The following TUBGCP5 variants were observed in gnomAD, a reference collection of about 807,000 sequenced individuals.
TUBGCP5 encodes the protein tubulin gamma complex component 5.
In TUBGCP5, 98 loss-of-function variants were observed where a neutral mutation model predicts 134.7. The ratio of observed to expected loss-of-function variants is 0.73; its 90% CI spans 0.62 to 0.86. The LOEUF is 0.86. Ranked by LOEUF, TUBGCP5 falls within the 40% of genes least tolerant of loss-of-function variation. The pLI is 0.00. For missense variants in TUBGCP5, 1,150 were observed against 1,244.8 expected (o/e 0.92, Z 1.15); for synonymous variants, 456 against 431.4 (o/e 1.06, Z -0.71).
At position 23,003,542 on chromosome 15, in the gene TUBGCP5, A is replaced by G. The variant is rs564563834; in HGVS notation, c.2839-389T>C. The stretch of plus-strand genomic sequence containing the variant: ...CAGACACAATTTTCCAAATGAATCC[A>G]AGAGTAACGCAGAGTGAGTGTTGAC... On this transcript the variant is annotated intron_variant, in intron 20 of 22. Transcript: ENST00000615383. Among the ~76,000 whole-genome samples the G allele has an allele frequency of 3.3e-5, 5 of 152,144 alleles. No homozygotes were observed. The East Asian group carries it at 9.6e-4, about 29-fold the overall frequency.
rs1555439436 is a variant in TUBGCP5, at chr15:23,016,969, G to GATATGTATATATATATATAT, written c.1756+803_1756+804insATATATATATATATACATAT. ...AGATGAATGGGTAAAAAAATTGTGA[G>GATATGTATATATATATATAT]ATATATATATATATATATGTATATA... On this transcript the variant is annotated intron_variant, in intron 13 of 22. Coordinates refer to ENST00000615383, the MANE Select transcript of TUBGCP5 (RefSeq NM_052903.6). Among the ~76,000 whole-genome samples, 65 of 109,418 alleles carry GATATGTATATATATATATAT rather than the reference G, an allele frequency of 5.9e-4. 3 individuals carry two copies. The highest frequency in any genetic ancestry group is 2.3e-3 in the African/African-American group (64 of 27,800). 71.8% of individuals were successfully genotyped at this position (109,418 alleles called of 152,430 possible).
chr15:23,024,056 T>C lies in TUBGCP5; in HGVS notation c.1059A>G (p.Ser353=). 1 of 1,614,172 alleles carries C rather than the reference T, an allele frequency of 6.2e-7. No homozygotes were observed. The change falls in exon 10 of 23, where the codon TCA becomes TCG. Residue 353 remains serine (S), a synonymous_variant. Transcript: ENST00000615383. ...GGTAGGTTCTAAAGGGAGCTTCAGTTGACTTCTTAGGAACAGACCCACTTC... is the reference window on the plus strand; with the variant it reads ...GGTAGGTTCTAAAGGGAGCTTCAGTCGACTTCTTAGGAACAGACCCACTTC... ...LPGSGSVPKK[S]TEAPFRTYQA...
At chr15:23,031,522 C>T (rs1226218056) in intron 5 of TUBGCP5, among the ~76,000 whole-genome samples, 1 of 152,114 alleles carries the variant, frequency 6.6e-6, no homozygotes, top group Non-Finnish European at 1.5e-5. Flanking sequence ...CACTATGTTG[C>T]CCAGGCTGCT....
At chr15:22,997,085 A>G (rs934542587), downstream of TUBGCP5, 1 of 152,174 alleles carries the variant, frequency 6.6e-6, no homozygotes, top group African/African-American at 2.4e-5. Flanking sequence ...TGGTTCCTGA[A>G]AGGGGCTAAG....
At chr15:22,987,218 C>T (rs2063704785) in intron 23 of TUBGCP5, among the ~76,000 whole-genome samples, 1 of 151,732 alleles carries the variant, frequency 6.6e-6, no homozygotes, top group African/African-American at 2.4e-5. Flanking sequence ...CCTGCAATTC[C>T]AGCTACTTGG....
At chr15:22,998,531 T>G (rs2064200114), downstream of TUBGCP5, among the ~76,000 whole-genome samples, 1 of 152,124 alleles carries the variant, frequency 6.6e-6, no homozygotes, top group Non-Finnish European at 1.5e-5. Flanking sequence ...CAATCATGGT[T>G]CACTGCAGCC....
chr15:23,020,244 TA>T (rs1358069608), intron 11 of TUBGCP5, among the ~76,000 whole-genome samples: 1 of 151,808 alleles, frequency 6.6e-6, no homozygotes, highest in Non-Finnish European at 1.5e-5. Flanking sequence ...CCATCTCTAT[TA>T]AAAATACAAA....
chr15:23,017,765 A>G lies in TUBGCP5; in HGVS notation c.1756+8T>C. The G allele has an allele frequency of 6.2e-7, 1 of 1,611,512 alleles. No homozygotes were observed. The highest frequency in any genetic ancestry group is 8.5e-7 in the Non-Finnish European group (1 of 1,178,224). Reference sequence around the variant, plus strand: ...ACCAAGAGAGACACAGGAAGACGGAACAAGTACCTCTGGCTCCTGCCTGGC... The same window carrying G: ...ACCAAGAGAGACACAGGAAGACGGAGCAAGTACCTCTGGCTCCTGCCTGGC... On this transcript the variant is annotated splice_region_variant and intron_variant, in intron 13 of 22. Coordinates refer to ENST00000615383, the MANE Select transcript of TUBGCP5 (RefSeq NM_052903.6).
intron 1 of TUBGCP5, among the ~76,000 whole-genome samples, 181 bp from the exon 2 acceptor site, chr15:23,037,333 G>A (rs529853998): frequency 1.3e-5 from 2 of 152,212 alleles, no homozygotes; most frequent in East Asian, 3.9e-4. Flanking sequence ...GTCCGAGACT[G>A]TGCAAGCATC....
intron 6 of TUBGCP5, among the ~76,000 whole-genome samples, chr15:23,029,901 A>G (rs926980853): frequency 2.7e-5 from 4 of 150,932 alleles, no homozygotes; most frequent in African/African-American, 9.8e-5. Context: ...GGTGGGGGGG[A>G]AGAGCAAAGT....
At position 23,006,038 on chromosome 15, in the gene TUBGCP5, A is replaced by C. The variant is rs1441585804; in HGVS notation, c.2533+14T>G. On this transcript the variant is annotated intron_variant, in intron 18 of 22. Coordinates refer to ENST00000615383, the MANE Select transcript of TUBGCP5 (RefSeq NM_052903.6). ...AAATAAAATTACAATTTATCTGCTG[A>C]AAACAAATCTTACCACCAAAAAGTA... The C allele has an allele frequency of 6.3e-7, 1 of 1,584,166 alleles. No individual in the cohort carries two copies. The highest frequency in any genetic ancestry group is 8.5e-7 in the Non-Finnish European group (1 of 1,171,770).
chr15:22,993,557 T>TTTTTTTTTTTA (rs2063932615), intron 23 of TUBGCP5, among the ~76,000 whole-genome samples: 2 of 123,262 alleles, frequency 1.6e-5, no homozygotes, highest in African/African-American at 7.2e-5. Context: ...TTTTTTTTTT[T>TTTTTTTTTTTA]AATATGAGAC....
intron 13 of TUBGCP5, among the ~76,000 whole-genome samples, chr15:23,011,976 G>C (rs1160497549): frequency 6.6e-6 from 1 of 151,646 alleles, no homozygotes; most frequent in Non-Finnish European, 1.5e-5. Context: ...GAGTGCAGTG[G>C]AATGTGCCTG....
chr15:23,010,951 A>G (rs2065000150), intron 14 of TUBGCP5, among the ~76,000 whole-genome samples, 182 bp downstream of exon 14: 1 of 151,802 alleles, frequency 6.6e-6, no homozygotes, highest in African/African-American at 2.4e-5. Flanking sequence ...ACTACACTCC[A>G]GCCTGGGTGA....
At chr15:23,030,838 G>A (rs575306450) in intron 6 of TUBGCP5, 47 bp downstream of exon 6, 2 of 1,594,434 alleles carry the variant, frequency 1.3e-6, no homozygotes, top group Non-Finnish European at 1.7e-6. Context: ...TTTCCTTCTA[G>A]GGAATTTGTC....
intron 21 of TUBGCP5, among the ~76,000 whole-genome samples, chr15:23,001,081 C>T (rs1198731526): frequency 6.6e-6 from 1 of 152,110 alleles, no homozygotes; most frequent in Non-Finnish European, 1.5e-5. Context: ...CTTGCTCTGT[C>T]GCCCATGCTG....
rs2064265394 is a variant in TUBGCP5 at position 22,999,824 on chromosome 15, CTT to C, written c.3069_3070del (p.Ser1024LeufsTer36). The C allele has an allele frequency of 6.2e-7, 1 of 1,613,892 alleles. No homozygotes were observed. On this transcript the variant is annotated frameshift_variant, in exon 23 of 23. Coordinates refer to ENST00000615383, the MANE Select transcript of TUBGCP5 (RefSeq NM_052903.6). LOFTEE classifies it high-confidence loss of function. ...TATTTATTACGCTGAAGACATTTAA[CTT>C]TGTTCCATGCCAGCCATGAGTGACA... is the stretch of plus-strand genomic sequence containing the variant.
chr15:22,991,133 C>T (rs559673661), intron 23 of TUBGCP5, among the ~76,000 whole-genome samples: 26 of 151,704 alleles, frequency 1.7e-4, no homozygotes, highest in South Asian at 4.2e-4. Flanking sequence ...GAGTCTCGCG[C>T]GCTCACCAGG....
rs553558158 is a variant in TUBGCP5, at chr15:23,029,080, TA to T, written c.623-1775del. Among the ~76,000 whole-genome samples the T allele has an allele frequency of 6.6e-4, 100 of 152,130 alleles. 1 individual carries two copies. Among genetic ancestry groups the T allele is most frequent in the Non-Finnish European group, 1.3e-3 (90 of 68,000 alleles). The stretch of plus-strand genomic sequence containing the variant: ...TTAACAAATGAACACTCAAGATGTT[TA>T]AAAAAAATTTCCAAACTCTAGTAAA... On this transcript the variant is annotated intron_variant, in intron 6 of 22. Coordinates refer to ENST00000615383, the MANE Select transcript of TUBGCP5 (RefSeq NM_052903.6).
Sources: allele counts gnomAD v4.1 joint callset (sites outside exome capture counted in the v4.1 genomes callset), GRCh38; gene constraint gnomAD v4.1.1; transcripts MANE v1.5; gene names NCBI Gene and HGNC (gene_info 2026-07-23, HGNC 2026-07-21).